Variants in ADAM10 observed in about 807,000 individuals in gnomAD.
ADAM10 encodes the protein ADAM metallopeptidase domain 10, also known as disintegrin and metalloproteinase domain-containing protein 10.
ADAM10 carries 17 observed loss-of-function variants against 90.1 expected under a neutral mutation model. The ratio of observed to expected loss-of-function variants is 0.19; its 90% CI spans 0.13 to 0.28. The LOEUF is 0.28. ADAM10 is among the 10% of genes least tolerant of loss of function. The pLI, the probability that ADAM10 is intolerant of heterozygous loss-of-function variation, is 1.00. For synonymous variants in ADAM10, 310 were observed against 298.6 expected, an observed-to-expected ratio of 1.04 and a Z score of -0.40; for missense variants, 610 against 914.3, an observed-to-expected ratio of 0.67 and a Z score of 4.29.
At chr15:58,708,490 C>T (rs1898373452) in intron 2 of ADAM10, among the ~76,000 whole-genome samples, 1 of 151,994 alleles carries the variant, frequency 6.6e-6, no homozygotes, top group African/African-American at 2.4e-5. Context: ...AGCAAGAAGC[C>T]CTATCTACAA....
intron 3 of ADAM10, among the ~76,000 whole-genome samples, chr15:58,681,650 G>A (rs554981119): frequency 1.3e-5 from 2 of 152,300 alleles, no homozygotes; most frequent in African/African-American, 4.8e-5. Context: ...ACTAGTAGAT[G>A]TAACTTTCTA....
At chr15:58,635,515 A>G (rs1362160332) in intron 8 of ADAM10, among the ~76,000 whole-genome samples, 1 of 152,110 alleles carries the variant, frequency 6.6e-6, no homozygotes, top group Non-Finnish European at 1.5e-5. Flanking sequence ...TAGAGAGAAA[A>G]TACCAAATAA....
intron 14 of ADAM10, among the ~76,000 whole-genome samples, chr15:58,603,753 C>T (rs1005923238): frequency 2.6e-5 from 4 of 151,598 alleles, no homozygotes; most frequent in South Asian, 2.1e-4. Flanking sequence ...CTTGAGCACA[C>T]GATAAAGTAC....
At chr15:58,727,202 TTTTCC>T (rs1409142990) in intron 1 of ADAM10, among the ~76,000 whole-genome samples, 3 of 130,388 alleles carry the variant, frequency 2.3e-5, no homozygotes, top group East Asian at 2.5e-4. Flanking sequence ...TTTTTTTTTT[TTTTCC>T]CAAAAACAGC....
In ADAM10 at chr15:58,749,537, TCCGCTG is replaced by T. The variant is rs571621608; in HGVS notation, c.-9_-4del. 24 of 1,551,938 alleles carry T rather than the reference TCCGCTG, an allele frequency of 1.5e-5. No individual in the cohort carries two copies. The highest frequency in any genetic ancestry group is 3.3e-4 in the Middle Eastern group (2 of 6,012). ...ATTAACACTCTCAGCAACACCATCT[TCCGCTG>T]CCGCTGCCGCCGCCGCCGCCTCCTC... On this transcript the variant is annotated 5_prime_UTR_variant, in exon 1 of 16. Transcript: ENST00000260408.
intron 2 of ADAM10, among the ~76,000 whole-genome samples, chr15:58,706,733 A>G (rs11855190): frequency 0.64 from 96,793 of 151,866 alleles, 31,336 homozygotes; most frequent in Middle Eastern, 0.72. Flanking sequence ...GGGCTCGGCC[A>G]GGTACGGTGG....
chr15:58,646,639 T>A (rs1596024796), intron 5 of ADAM10, among the ~76,000 whole-genome samples: 1 of 152,226 alleles, frequency 6.6e-6, no homozygotes, highest in South Asian at 2.1e-4. Context: ...AGTACTGCAG[T>A]AAGATCAGTT....
intron 2 of ADAM10, among the ~76,000 whole-genome samples, chr15:58,716,986 T>C (rs1316595775): frequency 6.6e-6 from 1 of 152,136 alleles, no homozygotes; most frequent in South Asian, 2.1e-4. Context: ...TTTCCTCGGA[T>C]ATAAAAAGCT....
intron 4 of ADAM10, among the ~76,000 whole-genome samples, chr15:58,669,410 G>A (rs886923923): frequency 2.0e-5 from 3 of 152,154 alleles, no homozygotes; most frequent in Admixed American, 1.3e-4. Context: ...ATAAACAGCA[G>A]TAAAGAGAGG....
Position 58,591,542 on chromosome 15 carries a change from T to A in ADAM10, c.*6005A>T, listed in dbSNP as rs775364053. 6.6e-6 allele frequency: 1 copy of A among 152,112 alleles called. No individual in the cohort carries two copies. The highest frequency in any genetic ancestry group is 2.4e-5 in the African/African-American group (1 of 41,410). The allele number at this position is 152,112 out of a possible 1,614,324, so 9.4% of individuals were successfully genotyped here. On this transcript the variant is annotated 3_prime_UTR_variant, in exon 16 of 16. Transcript: ENST00000260408. ...CCTCCCAAAGTGTTGGGATTACAGG[T>A]ATGAGCCATCACAACTGGCCACATT...
chr15:58,605,478 C>T (rs1365271112), intron 14 of ADAM10, among the ~76,000 whole-genome samples: 7 of 152,072 alleles, frequency 4.6e-5, no homozygotes, highest in Admixed American at 6.6e-5. Context: ...GAGTTAAATG[C>T]TAAATTACAT....
chr15:58,672,111 T>C (rs1897206448), intron 4 of ADAM10, among the ~76,000 whole-genome samples: 1 of 152,144 alleles, frequency 6.6e-6, no homozygotes, highest in Non-Finnish European at 1.5e-5. Flanking sequence ...ATTTCAAATA[T>C]AATTTTACTT....
At chr15:58,690,376 T>C (rs1016901579) in intron 2 of ADAM10, among the ~76,000 whole-genome samples, 1 of 152,190 alleles carries the variant, frequency 6.6e-6, no homozygotes, top group Non-Finnish European at 1.5e-5. Flanking sequence ...TAACATTAAG[T>C]ATGATGTTAC....
At chr15:58,692,626 T>C (rs1235354727) in intron 2 of ADAM10, 2 of 559,334 alleles carry the variant, frequency 3.6e-6, no homozygotes, top group Non-Finnish European at 7.2e-6. Flanking sequence ...CTCTTCTAAG[T>C]ACTCTGTCTG....
intron 1 of ADAM10, among the ~76,000 whole-genome samples, chr15:58,726,665 A>G (rs1287116836): frequency 6.6e-6 from 1 of 151,522 alleles, no homozygotes; most frequent in East Asian, 1.9e-4. Context: ...AAATAGAAAG[A>G]TGACAGTTTA....
At chr15:58,623,585 T>C (rs1392570319) in intron 10 of ADAM10, among the ~76,000 whole-genome samples, 1 of 152,046 alleles carries the variant, frequency 6.6e-6, no homozygotes, top group African/African-American at 2.4e-5. Context: ...AATGATAGAC[T>C]GGATAAATAA....
chr15:58,601,653 A>C (rs1332367245), intron 14 of ADAM10, among the ~76,000 whole-genome samples: 5 of 152,120 alleles, frequency 3.3e-5, no homozygotes, highest in Admixed American at 3.3e-4. Flanking sequence ...ACTAACATTT[A>C]ATCCTCAGAC....
intron 11 of ADAM10, among the ~76,000 whole-genome samples, chr15:58,615,360 T>C (rs1376584322): frequency 2.7e-5 from 4 of 150,618 alleles, no homozygotes; most frequent in Non-Finnish European, 4.4e-5. Context: ...ATCATGAATA[T>C]ACACCAATGA....
intron 2 of ADAM10, among the ~76,000 whole-genome samples, chr15:58,704,799 C>T (rs1204721231): frequency 6.6e-6 from 1 of 152,042 alleles, no homozygotes; most frequent in Non-Finnish European, 1.5e-5. Flanking sequence ...AAAGGAGACA[C>T]GATGAATATT....
Sources: allele counts gnomAD v4.1 joint callset (sites outside exome capture counted in the v4.1 genomes callset), GRCh38; gene constraint gnomAD v4.1.1; transcripts MANE v1.5; gene names NCBI Gene and HGNC (gene_info 2026-07-23, HGNC 2026-07-21).